ERBB4: variants seen among roughly 807,000 people sequenced by gnomAD.
ERBB4 encodes receptor tyrosine-protein kinase erbB-4.
Under a neutral mutation model 158.0 loss-of-function variants are expected in ERBB4, and 42 were observed. The observed-to-expected ratio is 0.27, with a 90% confidence interval of 0.21 to 0.34. The LOEUF is 0.34. ERBB4 is among the 10% of genes least tolerant of loss of function. The pLI, the probability that ERBB4 is intolerant of heterozygous loss-of-function variation, is 1.00. For synonymous variants in ERBB4, 583 were observed against 558.7 expected, an observed-to-expected ratio of 1.04 and a Z score of -0.61; for missense variants, 1,333 against 1,624.1, an observed-to-expected ratio of 0.82 and a Z score of 3.08.
intron 3 of ERBB4, among the ~76,000 whole-genome samples, chr2:211,808,274 T>A (rs1290318089): frequency 6.6e-6 from 1 of 152,230 alleles, no homozygotes. Context: ...AACATTTAAT[T>A]CTTTAATCCA....
Position 212,374,616 on chromosome 2 carries a change from A to AAC in ERBB4, c.82+163831_82+163832dup, listed in dbSNP as rs368428864. ...TCTAACTGAAAATATTACAAATATA[A>AAC]ACACACACACACACACATATTTGTA... On this transcript the variant is annotated intron_variant, in intron 1 of 27. Coordinates refer to ENST00000342788, the MANE Select transcript of ERBB4 (RefSeq NM_005235.3). 1.8e-3 allele frequency among the ~76,000 whole-genome samples: 272 copies of AAC among 151,200 alleles called. 2 individuals are homozygous for AAC. Among genetic ancestry groups the AAC allele is most frequent in the African/African-American group, 4.8e-3 (197 of 41,320 alleles).
At chr2:211,800,516 C>T (rs2076475580) in intron 3 of ERBB4, among the ~76,000 whole-genome samples, 1 of 152,066 alleles carries the variant, frequency 6.6e-6, no homozygotes, top group Non-Finnish European at 1.5e-5. Context: ...AGATGAGGCA[C>T]AATTTTATCT....
intron 3 of ERBB4, among the ~76,000 whole-genome samples, chr2:211,860,344 A>G (rs1050132538): frequency 6.6e-6 from 1 of 152,196 alleles, no homozygotes; most frequent in African/African-American, 2.4e-5. Context: ...AAAGACTTTT[A>G]TAAGCCTAAC....
intron 2 of ERBB4, among the ~76,000 whole-genome samples, chr2:212,045,744 A>G (rs996787057): frequency 1.2e-4 from 18 of 152,206 alleles, no homozygotes; most frequent in Admixed American, 1.2e-3. Flanking sequence ...ACAAACCGCT[A>G]CTGTGTCCAA....
At chr2:212,456,290 G>A (rs1280143868) in intron 1 of ERBB4, among the ~76,000 whole-genome samples, 1 of 152,048 alleles carries the variant, frequency 6.6e-6, no homozygotes, top group Admixed American at 6.6e-5. Context: ...CTGAATTGAT[G>A]TATTTCACTT....
At chr2:211,670,591 A>G (rs1160366802) in intron 14 of ERBB4, among the ~76,000 whole-genome samples, 3 of 152,184 alleles carry the variant, frequency 2.0e-5, no homozygotes, top group African/African-American at 7.2e-5. Flanking sequence ...ACTGATAAGC[A>G]CATTGAGACT....
At chr2:211,428,207 G>GAACTT (rs2063672735) in intron 22 of ERBB4, among the ~76,000 whole-genome samples, 1 of 96,544 alleles carries the variant, frequency 1.0e-5, no homozygotes, top group Non-Finnish European at 2.2e-5. Context: ...GTGTATCGCA[G>GAACTT]AACTTAAAAT....
chr2:212,369,456 T>G (rs2090009704), intron 1 of ERBB4, among the ~76,000 whole-genome samples: 1 of 152,096 alleles, frequency 6.6e-6, no homozygotes, highest in Non-Finnish European at 1.5e-5. Context: ...TTTAAATATA[T>G]AAGTATCTGT....
Position 211,822,914 on chromosome 2 carries a change from C to G in ERBB4, c.422-34755G>C, listed in dbSNP as rs116788925. Among the ~76,000 whole-genome samples, 1,311 of 151,982 alleles carry G rather than the reference C, an allele frequency of 8.6e-3. 19 individuals carry two copies. Among genetic ancestry groups the G allele is most frequent in the African/African-American group, 0.03 (1,244 of 41,490 alleles). ...GGGGAGTGGCAGAAATGAGAATGTG[C>G]CATTTCTATATCTAGAGCTTAATAG... On this transcript the variant is annotated intron_variant, in intron 3 of 27. Transcript: ENST00000342788.
At chr2:212,301,857 C>G (rs958980093) in intron 1 of ERBB4, among the ~76,000 whole-genome samples, 5 of 151,342 alleles carry the variant, frequency 3.3e-5, no homozygotes, top group African/African-American at 1.2e-4. Flanking sequence ...AATAACATCA[C>G]ATCTTATTTT....
chr2:211,945,195 T>C (rs892671110), intron 3 of ERBB4, among the ~76,000 whole-genome samples: 2 of 152,168 alleles, frequency 1.3e-5, no homozygotes, highest in Non-Finnish European at 2.9e-5. Flanking sequence ...TTTTATCCCA[T>C]ATTCTTCCAT....
intron 3 of ERBB4, among the ~76,000 whole-genome samples, chr2:211,914,242 A>G (rs1036076094): frequency 6.6e-6 from 1 of 151,846 alleles, no homozygotes; most frequent in Non-Finnish European, 1.5e-5. Flanking sequence ...TGCAAAGACT[A>G]TAACATATTT....
rs182225715 is a variant in ERBB4, at chr2:212,037,304, C to A, written c.234+87448G>T. On this transcript the variant is annotated intron_variant, in intron 2 of 27. Transcript: ENST00000342788. ...GTTCTAAGAACAGCATGGAGCCCTG[C>A]TATGTTAGAGAGGGAACACATCTGA... Among the ~76,000 whole-genome samples the A allele has an allele frequency of 2.6e-5, 4 of 152,206 alleles. No individual in the cohort carries two copies. In the East Asian group the frequency reaches 5.8e-4, roughly 22 times the overall value.
chr2:212,101,604 A>G (rs2079085522), intron 2 of ERBB4, among the ~76,000 whole-genome samples: 2 of 151,896 alleles, frequency 1.3e-5, no homozygotes, highest in African/African-American at 4.8e-5. Context: ...GAAAAACACA[A>G]AAAGTTGAAA....
chr2:211,395,606 CTTTAAT>C (rs1266529141), intron 25 of ERBB4, among the ~76,000 whole-genome samples: 230 of 44,910 alleles, frequency 5.1e-3, no homozygotes, highest in African/African-American at 0.021. Flanking sequence ...TTTAGTGACA[CTTTAAT>C]TTTAAGACAG....
chr2:211,501,366 A>C (rs984667789), intron 20 of ERBB4, among the ~76,000 whole-genome samples: 7 of 151,906 alleles, frequency 4.6e-5, no homozygotes, highest in African/African-American at 1.4e-4. Context: ...TCCTAACACA[A>C]ATAAATGATA....
intron 7 of ERBB4, among the ~76,000 whole-genome samples, chr2:211,720,447 C>T (rs986050210): frequency 6.6e-6 from 1 of 152,166 alleles, no homozygotes; most frequent in Non-Finnish European, 1.5e-5. Flanking sequence ...TGAATTTCTC[C>T]ACTGCTTTGT....
At position 211,788,083 on chromosome 2, in the gene ERBB4, A is replaced by G; in HGVS notation, c.498T>C (p.Ile166=). The G allele has an allele frequency of 6.2e-7, 1 of 1,613,282 alleles. No homozygotes were observed. The highest frequency in any genetic ancestry group is 1.1e-5 in the South Asian group (1 of 91,076). Residue 166 remains isoleucine, a synonymous_variant, in exon 4 of 28, where the codon ATT becomes ATC. Transcript: ENST00000342788. ...AGTTGGAAGGCCATGGGTTCCGAAC[A>G]ATATCTTGCCAATGAATGGTGTCTG... is the stretch of plus-strand genomic sequence containing the variant. The part of the protein sequence containing the change: ...CYADTIHWQD[I]VRNPWPSNLT...
chr2:212,239,232 A>T (rs1223009881), intron 1 of ERBB4, among the ~76,000 whole-genome samples: 2 of 152,138 alleles, frequency 1.3e-5, no homozygotes. Flanking sequence ...TTTAAAAGGC[A>T]GGATCTTGCT....
Sources: allele counts gnomAD v4.1 joint callset (sites outside exome capture counted in the v4.1 genomes callset), GRCh38; gene constraint gnomAD v4.1.1; transcripts MANE v1.5; gene names NCBI Gene and HGNC (gene_info 2026-07-23, HGNC 2026-07-21).